The following GRB14 variants were observed in gnomAD, a reference collection of about 807,000 sequenced individuals.
The protein encoded by GRB14 is growth factor receptor-bound protein 14.
A neutral mutation model predicts 69.1 loss-of-function variants in GRB14; 38 were observed. The observed-to-expected ratio is 0.55, with a 90% CI of 0.42 to 0.72. GRB14 has a LOEUF of 0.72. Ranked by LOEUF, GRB14 falls within the 30% of genes least tolerant of loss-of-function variation. The probability of loss-of-function intolerance (pLI) is 0.00; values close to 1 mark genes in which losing one functional copy is unlikely to be tolerated. For synonymous variants in GRB14, 247 were observed against 241.3 expected (o/e 1.02, Z -0.22); for missense variants, 666 against 666.1 (o/e 1.00, Z 0.00).
intron 5 of GRB14, among the ~76,000 whole-genome samples, chr2:164,523,032 A>C (rs988842649): frequency 6.6e-6 from 1 of 152,082 alleles, no homozygotes; most frequent in Non-Finnish European, 1.5e-5. Context: ...GCCCTGCAGG[A>C]TGAGACACCA....
chr2:164,553,315 C>T (rs1260657099), intron 2 of GRB14, among the ~76,000 whole-genome samples: 2 of 152,224 alleles, frequency 1.3e-5, no homozygotes, highest in African/African-American at 4.8e-5. Flanking sequence ...CAAATTTAGA[C>T]ATAAGTTGAC....
rs73971031 is a variant in GRB14 at position 164,544,836 on chromosome 2, C to T, written c.481+2824G>A. ...CGAGGTTCTGACATGTCCTAGGACACCAGTTGTCAAATCAGAAGTACAAAC... is the reference window on the plus strand; with the variant it reads ...CGAGGTTCTGACATGTCCTAGGACATCAGTTGTCAAATCAGAAGTACAAAC... On this transcript the variant is annotated intron_variant, in intron 3 of 13. Transcript: ENST00000263915. Among the ~76,000 whole-genome samples, 86 of 152,272 alleles carry T rather than the reference C, an allele frequency of 5.6e-4. 1 individual carries two copies. Among genetic ancestry groups the T allele is most frequent in the African/African-American group, 2.0e-3 (84 of 41,550 alleles).
intron 2 of GRB14, among the ~76,000 whole-genome samples, chr2:164,556,655 C>G (rs1688684655): frequency 6.6e-6 from 1 of 152,174 alleles, no homozygotes; most frequent in Non-Finnish European, 1.5e-5. Flanking sequence ...ACTTTTTCTG[C>G]TCCCTCATAT....
Position 164,548,426 on chromosome 2 carries a change from T to C in GRB14, c.325-610A>G, listed in dbSNP as rs1688442487. Among the ~76,000 whole-genome samples, 3 of 152,278 alleles carry C rather than the reference T, an allele frequency of 2.0e-5. No individual in the cohort carries two copies. The South Asian group carries it at 6.2e-4, about 32-fold the overall frequency. ...TGTAATGCAAATATAAAATAAATTA[T>C]GTATATATGCTCCAATATACACCCA... is the stretch of plus-strand genomic sequence containing the variant. On this transcript the variant is annotated intron_variant, in intron 2 of 13. Coordinates refer to ENST00000263915, the MANE Select transcript of GRB14 (RefSeq NM_004490.3).
chr2:164,603,391 C>T (rs1006664189), intron 2 of GRB14, among the ~76,000 whole-genome samples: 63 of 152,030 alleles, frequency 4.1e-4, no homozygotes, highest in African/African-American at 1.5e-3. Flanking sequence ...AGGCCGGGTG[C>T]GGTGGCTCAC....
chr2:164,562,621 C>A (rs1208469722), intron 2 of GRB14, among the ~76,000 whole-genome samples: 1 of 152,116 alleles, frequency 6.6e-6, no homozygotes, highest in African/African-American at 2.4e-5. Context: ...GTAAAACATG[C>A]CATTTCACAG....
chr2:164,565,303 CTT>C (rs1167562248), intron 2 of GRB14, among the ~76,000 whole-genome samples: 30 of 152,006 alleles, frequency 2.0e-4, no homozygotes, highest in African/African-American at 6.0e-4. Flanking sequence ...CACACACACA[CTT>C]GGCTGCTTAC....
chr2:164,512,466 C>T (rs1049407281), intron 6 of GRB14, among the ~76,000 whole-genome samples: 15 of 152,162 alleles, frequency 9.9e-5, no homozygotes, highest in Non-Finnish European at 1.5e-4. Context: ...CACACCTGGC[C>T]GATTTCCAGG....
intron 2 of GRB14, among the ~76,000 whole-genome samples, chr2:164,617,734 G>A (rs942316994): frequency 2.0e-5 from 3 of 151,842 alleles, no homozygotes; most frequent in African/African-American, 7.3e-5. Context: ...TCTGGTTCAG[G>A]CTCCACCCGC....
chr2:164,497,875 G>A (rs940759254), intron 9 of GRB14, among the ~76,000 whole-genome samples: 12 of 152,114 alleles, frequency 7.9e-5, no homozygotes, highest in Admixed American at 3.3e-4. Context: ...AAGATACATT[G>A]TTTCTGAATT....
intron 2 of GRB14, among the ~76,000 whole-genome samples, chr2:164,553,574 T>C (rs1688599826): frequency 6.6e-6 from 1 of 152,210 alleles, no homozygotes. Context: ...ATCTCTGTCA[T>C]CTCTTAGATA....
Position 164,508,818 on chromosome 2 carries a change from C to T in GRB14, c.851G>A (p.Gly284Asp), listed in dbSNP as rs1687262946. ...CAGTGACACATAAATATCACTATTG[C>T]CAAATTCGCTGAAAAACTGCAAATG... ...PRHLQFFSEFGNSDIYVSLAG... is the reference protein window; with the variant it reads ...PRHLQFFSEFDNSDIYVSLAG... Residue 284 changes from glycine (G) to aspartate (D), a missense_variant, in exon 7 of 14, where the codon GGC becomes GAC. Coordinates refer to ENST00000263915, the MANE Select transcript of GRB14 (RefSeq NM_004490.3). 1 of 1,580,320 alleles carries T rather than the reference C, an allele frequency of 6.3e-7. No homozygotes were observed. The highest frequency in any genetic ancestry group is 1.9e-5 in the Admixed American group (1 of 51,700).
At chr2:164,547,050 A>G (rs1420552103) in intron 3 of GRB14, among the ~76,000 whole-genome samples, 1 of 152,184 alleles carries the variant, frequency 6.6e-6, no homozygotes, top group East Asian at 1.9e-4. Context: ...GAAGGCAATG[A>G]CCTATGGGCA....
chr2:164,561,278 C>T (rs1282127710), intron 2 of GRB14, among the ~76,000 whole-genome samples: 1 of 152,106 alleles, frequency 6.6e-6, no homozygotes, highest in Non-Finnish European at 1.5e-5. Context: ...GTTTTAGACT[C>T]CTCATACTGT....
intron 2 of GRB14, chr2:164,574,069 A>G: frequency 9.9e-7 from 1 of 1,013,758 alleles, no homozygotes; most frequent in East Asian, 2.5e-5. Context: ...TCAGAGGTAA[A>G]TTCAGAAACT....
At chr2:164,518,794 G>A (rs1687558023) in intron 6 of GRB14, among the ~76,000 whole-genome samples, 1 of 151,724 alleles carries the variant, frequency 6.6e-6, no homozygotes, top group African/African-American at 2.4e-5. Flanking sequence ...TTTCTGGAAA[G>A]ATAACCCTCC....
intron 3 of GRB14, among the ~76,000 whole-genome samples, chr2:164,532,964 G>A (rs1310565725): frequency 1.3e-5 from 2 of 152,048 alleles, no homozygotes; most frequent in African/African-American, 4.8e-5. Context: ...TGAGGGAGCT[G>A]GATGGTAATT....
intron 2 of GRB14, among the ~76,000 whole-genome samples, chr2:164,610,329 G>A (rs1396581741): frequency 6.6e-6 from 1 of 152,006 alleles, no homozygotes; most frequent in Non-Finnish European, 1.5e-5. Context: ...TGAACACACA[G>A]TAAACTTAAA....
chr2:164,615,222 A>G (rs1457988392), intron 2 of GRB14, among the ~76,000 whole-genome samples: 1 of 152,172 alleles, frequency 6.6e-6, no homozygotes, highest in Non-Finnish European at 1.5e-5. Flanking sequence ...TATCCTGTGG[A>G]CCGTAAACCA....
Sources: allele counts gnomAD v4.1 joint callset (sites outside exome capture counted in the v4.1 genomes callset), GRCh38; gene constraint gnomAD v4.1.1; transcripts MANE v1.5; gene names NCBI Gene and HGNC (gene_info 2026-07-23, HGNC 2026-07-21).